Variants in RASGRF1 observed in about 807,000 individuals in gnomAD.
RASGRF1 encodes ras-specific guanine nucleotide-releasing factor 1.
RASGRF1 carries 40 observed loss-of-function variants against 138.7 expected under a neutral mutation model. The observed-to-expected ratio is 0.29, with a 90% CI of 0.22 to 0.38. The LOEUF is 0.38. Among genes scored for constraint, RASGRF1 ranks in the 10% least tolerant of loss-of-function variants. The pLI is 1.00. For synonymous variants in RASGRF1, 614 were observed against 663.2 expected (o/e 0.93, Z 1.14); for missense variants, 1,108 against 1,650.4 (o/e 0.67, Z 5.69).
chr15:79,012,827 C>T (rs973642096), intron 13 of RASGRF1, among the ~76,000 whole-genome samples: 6 of 152,082 alleles, frequency 3.9e-5, no homozygotes, highest in African/African-American at 7.2e-5. Flanking sequence ...GGATTACAGG[C>T]GCATGCCACC....
chr15:79,019,919 C>T, intron 11 of RASGRF1, 122 bp downstream of exon 11: 3 of 1,204,224 alleles, frequency 2.5e-6, no homozygotes, highest in Non-Finnish European at 3.6e-6. Flanking sequence ...GTGGACCTCC[C>T]CTCCGCACTT....
At chr15:79,015,947 C>T (rs1231064001) in intron 12 of RASGRF1, among the ~76,000 whole-genome samples, 1 of 151,184 alleles carries the variant, frequency 6.6e-6, no homozygotes, top group African/African-American at 2.5e-5. Flanking sequence ...GGTGTGGGGC[C>T]CTGGAGAAGG....
chr15:79,025,780 G>A (rs1425756612), intron 9 of RASGRF1, among the ~76,000 whole-genome samples: 1 of 152,134 alleles, frequency 6.6e-6, no homozygotes, highest in Non-Finnish European at 1.5e-5. Context: ...GCTGGGCTGA[G>A]GTCTGGGGAT....
chr15:78,988,565 T>C lies in RASGRF1; in HGVS notation c.3216+1624A>G, dbSNP rs79085370. On this transcript the variant is annotated intron_variant, in intron 22 of 26. Transcript: ENST00000558480. ...GCTGCAATCTCTGGGTCTTTCTTGT[T>C]TCTTCTAGGCTGCTGAGGATCCTCC... 3.1e-3 allele frequency among the ~76,000 whole-genome samples: 469 copies of C among 152,342 alleles called. 3 individuals carry two copies. The highest frequency in any genetic ancestry group is 0.011 in the African/African-American group (446 of 41,584).
At chr15:78,994,875 C>T (rs1456297363) in intron 20 of RASGRF1, among the ~76,000 whole-genome samples, 1 of 151,486 alleles carries the variant, frequency 6.6e-6, no homozygotes, top group Non-Finnish European at 1.5e-5. Context: ...TCTTATACCA[C>T]CACTGGGGCC....
At chr15:79,072,492 G>T (rs2057775215) in intron 1 of RASGRF1, among the ~76,000 whole-genome samples, 1 of 150,836 alleles carries the variant, frequency 6.6e-6, no homozygotes, top group Non-Finnish European at 1.5e-5. Flanking sequence ...AGCCAGGATG[G>T]TCTTGATCTC....
chr15:78,976,876 C>G (rs1441319434), intron 24 of RASGRF1, among the ~76,000 whole-genome samples: 3 of 152,222 alleles, frequency 2.0e-5, no homozygotes, highest in African/African-American at 7.2e-5. Context: ...CTGGCAGAGC[C>G]CTCACGGGCC....
At position 78,962,160 on chromosome 15, in the gene RASGRF1, G is replaced by T. The variant is rs751649205; in HGVS notation, c.3758C>A (p.Pro1253Gln). 1.3e-6 allele frequency: 2 copies of T among 1,578,302 alleles called. No individual in the cohort carries two copies. The highest frequency in any genetic ancestry group is 8.7e-7 in the Non-Finnish European group (1 of 1,154,748). ...SLYESSLRIE[P>Q]KLPT ...GGCTCAGCTTCAGGTGGGGAGTTTT[G>T]GTTCTATTCGGAGAGAAGACTCGTA... The change falls in exon 27 of 27, where the codon CCA becomes CAA. Residue 1253 changes from proline to glutamine, a missense_variant. This residue lies in a region of RASGRF1 where 686 missense variants were observed against 976.7 expected (regional missense o/e 0.70). Transcript: ENST00000558480.
intron 4 of RASGRF1, 25 bp from the exon 5 acceptor site, chr15:79,047,024 A>G (rs775413931): frequency 1.9e-6 from 3 of 1,600,776 alleles, no homozygotes; most frequent in African/African-American, 1.3e-5. Flanking sequence ...CGGTGGGGAG[A>G]GGCTCCTGTC....
intron 26 of RASGRF1, among the ~76,000 whole-genome samples, chr15:78,967,392 A>T (rs916276740): frequency 6.6e-6 from 1 of 152,128 alleles, no homozygotes; most frequent in African/African-American, 2.4e-5. Flanking sequence ...CAAAAAATAT[A>T]AAAGAATTAG....
chr15:79,036,617 G>C (rs1425368006), intron 5 of RASGRF1, among the ~76,000 whole-genome samples: 4 of 152,164 alleles, frequency 2.6e-5, no homozygotes, highest in African/African-American at 4.8e-5. Context: ...GAGGCGGTGG[G>C]GGGCAGGGCA....
chr15:78,982,686 C>G (rs962703932), intron 23 of RASGRF1, among the ~76,000 whole-genome samples: 1 of 152,032 alleles, frequency 6.6e-6, no homozygotes, highest in African/African-American at 2.4e-5. Flanking sequence ...TCCTAAATTC[C>G]ATCACTTCCT....
chr15:79,072,018 G>A (rs561963329), intron 1 of RASGRF1, among the ~76,000 whole-genome samples: 1 of 152,232 alleles, frequency 6.6e-6, no homozygotes, highest in East Asian at 1.9e-4. Flanking sequence ...TTTGGGAGAG[G>A]CTTTCTGGAT....
At chr15:79,037,360 C>G (rs2057236124) in intron 5 of RASGRF1, among the ~76,000 whole-genome samples, 1 of 151,880 alleles carries the variant, frequency 6.6e-6, no homozygotes. Flanking sequence ...AATCTTCTCA[C>G]AGACGGATGG....
intron 24 of RASGRF1, chr15:78,978,832 G>A (rs2055945927): frequency 3.4e-6 from 4 of 1,176,250 alleles, no homozygotes; most frequent in Non-Finnish European, 4.3e-6. Flanking sequence ...TGCAAGTCCA[G>A]AACCTGGTTT....
chr15:79,039,195 G>A (rs527305170), intron 5 of RASGRF1, among the ~76,000 whole-genome samples: 2 of 149,882 alleles, frequency 1.3e-5, no homozygotes, highest in African/African-American at 4.9e-5. Flanking sequence ...CAGCTACTAA[G>A]GAGGTTGAGA....
rs184198922 is a variant in RASGRF1 at position 79,081,372 on chromosome 15, G to A, written c.276+8851C>T. 6.6e-5 allele frequency among the ~76,000 whole-genome samples: 10 copies of A among 152,346 alleles called. No individual in the cohort carries two copies. The East Asian group carries it at 1.9e-3, about 29-fold the overall frequency. The stretch of plus-strand genomic sequence containing the variant: ...GCCTTTGCTACTGCTCAGTTCTGCA[G>A]CCTCCTCTTAATTGGCTTCCTGCCT... On this transcript the variant is annotated intron_variant, in intron 1 of 26. Transcript: ENST00000558480.
rs1161289818 is a variant in RASGRF1, at chr15:78,984,992, G to T, written c.3414+15C>A. The T allele has an allele frequency of 1.9e-6, 3 of 1,612,424 alleles. No homozygotes were observed. Among genetic ancestry groups the T allele is most frequent in the Middle Eastern group, 1.7e-4 (1 of 6,060 alleles). ...CAGCCCCAGGGAGGCAGTGGTGCCA[G>T]CCTCCTGCCCGCACCTGCTTAGAGA... On this transcript the variant is annotated intron_variant, in intron 23 of 26. Transcript: ENST00000558480.
intron 15 of RASGRF1, among the ~76,000 whole-genome samples, chr15:79,003,059 C>T (rs1045211229): frequency 1.3e-5 from 2 of 152,196 alleles, no homozygotes; most frequent in Non-Finnish European, 2.9e-5. Flanking sequence ...AGGAGAAACC[C>T]TGAGAGTAGG....
Sources: allele counts gnomAD v4.1 joint callset (sites outside exome capture counted in the v4.1 genomes callset), GRCh38; gene constraint gnomAD v4.1.1; regional missense constraint gnomAD v4.1.1; transcripts MANE v1.5; gene names NCBI Gene and HGNC (gene_info 2026-07-23, HGNC 2026-07-21).